TFG: variants seen among roughly 807,000 people sequenced by gnomAD.
TFG encodes protein TFG.
Under a neutral mutation model 51.4 loss-of-function variants are expected in TFG, and 22 were observed. That is an observed-to-expected ratio of 0.43 (90% confidence interval 0.31 to 0.61). The LOEUF (loss-of-function observed/expected upper bound fraction) is 0.61. Ranked by LOEUF, TFG falls within the 20% of genes least tolerant of loss-of-function variation. The pLI, the probability that TFG is intolerant of heterozygous loss-of-function variation, is 0.12. For missense variants in TFG, 419 were observed against 487.7 expected, an observed-to-expected ratio of 0.86 and a Z score of 1.33; for synonymous variants, 187 against 165.6, an observed-to-expected ratio of 1.13 and a Z score of -0.99.
In TFG at chr3:100,713,680, T is replaced by A. The variant is rs762164186; in HGVS notation, c.-6T>A. ...GTTGTATATATAGAACATCCTGGAG[T>A]CCACCATGAACGGACAGTTGGATCT... On this transcript the variant is annotated 5_prime_UTR_variant, in exon 2 of 8. Coordinates refer to ENST00000240851, the MANE Select transcript of TFG (RefSeq NM_006070.6). 12 of 1,582,976 alleles carry A rather than the reference T, an allele frequency of 7.6e-6. No individual in the cohort carries two copies. The South Asian group carries it at 1.4e-4, about 18-fold the overall frequency.
rs548772203 is a variant in TFG at position 100,748,481 on chromosome 3, C to T, written c.1153C>T (p.Arg385Cys). Residue 385 changes from arginine to cysteine, a missense_variant, in exon 8 of 8, where the codon CGT becomes TGT. Coordinates refer to ENST00000240851, the MANE Select transcript of TFG (RefSeq NM_006070.6). ...PSGPNPYARNRPPFGQGYTQP... is the reference protein window; with the variant it reads ...PSGPNPYARNCPPFGQGYTQP... ...TGGGCCTAATCCTTATGCGCGTAAC[C>T]GTCCTCCCTTTGGTCAGGGCTATAC... The T allele has an allele frequency of 2.4e-5, 39 of 1,614,034 alleles. No individual in the cohort carries two copies. Among genetic ancestry groups the T allele is most frequent in the Admixed American group, 2.0e-4 (12 of 59,992 alleles).
rs369409024 is a variant in TFG at position 100,728,761 on chromosome 3, T to C, written c.318T>C (p.Arg106=). Residue 106 remains arginine (R), a synonymous_variant, in exon 4 of 8, where the codon CGT becomes CGC. Transcript: ENST00000240851. ...PLESSQVKYL[R]RELIELRNKV... ...AATCAAGTCAGGTGAAATATCTCCG[T>C]CGAGAACTGATAGAACTTCGAAATA... 12 of 1,613,196 alleles carry C rather than the reference T, an allele frequency of 7.4e-6. No individual in the cohort carries two copies. The highest frequency in any genetic ancestry group is 1.0e-5 in the Non-Finnish European group (12 of 1,179,646).
chr3:100,716,276 A>C (rs556174854), intron 2 of TFG, among the ~76,000 whole-genome samples: 59 of 152,200 alleles, frequency 3.9e-4, no homozygotes, highest in African/African-American at 1.4e-3. Context: ...TATAAGATCA[A>C]CTTTTTTTAG....
chr3:100,723,612 C>G (rs1472523390), intron 3 of TFG, among the ~76,000 whole-genome samples: 1 of 152,112 alleles, frequency 6.6e-6, no homozygotes, highest in Non-Finnish European at 1.5e-5. Context: ...TATATAAAAA[C>G]TTGAGTAGTA....
chr3:100,724,223 AAAT>A (rs1216633168), intron 3 of TFG, among the ~76,000 whole-genome samples: 84 of 152,292 alleles, frequency 5.5e-4, no homozygotes, highest in African/African-American at 1.9e-3. Context: ...ACTTGGAAGG[AAAT>A]AATAAGAGCA....
intron 3 of TFG, among the ~76,000 whole-genome samples, chr3:100,720,651 G>A (rs1296690686): frequency 6.6e-6 from 1 of 152,198 alleles, no homozygotes; most frequent in African/African-American, 2.4e-5. Context: ...TGCCCAGCCC[G>A]GTTTGGTTCC....
At chr3:100,723,666 T>C (rs9853591) in intron 3 of TFG, among the ~76,000 whole-genome samples, 4,530 of 152,236 alleles carry the variant, frequency 0.03, 182 homozygotes, top group African/African-American at 0.092. Context: ...ACTAGGACTA[T>C]ATAGCAATCT....
intron 6 of TFG, among the ~76,000 whole-genome samples, chr3:100,739,807 C>T (rs9859204): frequency 0.019 from 2,928 of 152,018 alleles, 66 homozygotes; most frequent in African/African-American, 0.055. Flanking sequence ...TATATATGTC[C>T]AACTGATAAT....
At chr3:100,747,628 A>G (rs960879678) in intron 7 of TFG, among the ~76,000 whole-genome samples, 1 of 152,230 alleles carries the variant, frequency 6.6e-6, no homozygotes, top group African/African-American at 2.4e-5. Context: ...AAGGCAAAAA[A>G]CATCAGATAC....
At position 100,748,497 on chromosome 3, in the gene TFG, A is replaced by G. The variant is rs759196593; in HGVS notation, c.1169A>G (p.Gln390Arg). 3.1e-6 allele frequency: 5 copies of G among 1,613,962 alleles called. No individual in the cohort carries two copies. The highest frequency in any genetic ancestry group is 4.2e-6 in the Non-Finnish European group (5 of 1,179,906). Residue 390 changes from glutamine (Q) to arginine (R), a missense_variant, in exon 8 of 8, where the codon CAG (glutamine) becomes CGG (arginine). Physicochemically the swap from Gln to Arg is conservative, Grantham distance 43. This residue lies in a region of TFG where 391 missense variants were observed against 434.4 expected (regional missense o/e 0.90). Coordinates refer to ENST00000240851, the MANE Select transcript of TFG (RefSeq NM_006070.6). ...PYARNRPPFG[Q>R]GYTQPGPGYR ...GCGCGTAACCGTCCTCCCTTTGGTCAGGGCTATACCCAACCTGGACCTGGT... is the reference window on the plus strand; with the variant it reads ...GCGCGTAACCGTCCTCCCTTTGGTCGGGGCTATACCCAACCTGGACCTGGT...
In TFG at chr3:100,744,806, CTTGT is replaced by C; in HGVS notation, c.722-26_722-23del. 4 of 1,439,874 alleles carry C rather than the reference CTTGT, an allele frequency of 2.8e-6. No individual in the cohort carries two copies. In the East Asian group the frequency reaches 9.8e-5, roughly 35 times the overall value. 89.2% of individuals were successfully genotyped at this position (1,439,874 alleles called of 1,614,324 possible). On this transcript the variant is annotated intron_variant, in intron 6 of 7. Coordinates refer to ENST00000240851, the MANE Select transcript of TFG (RefSeq NM_006070.6). ...TGCCACATTAAACATGCCTTTTTTC[CTTGT>C]GTGTGTGTGTGTGTGTTTTCAGGTC...
chr3:100,738,474 G>A (rs2095112654), intron 6 of TFG, among the ~76,000 whole-genome samples: 1 of 152,262 alleles, frequency 6.6e-6, no homozygotes, highest in South Asian at 2.1e-4. Context: ...GAATTAAGGC[G>A]CTACTAGCAA....
At chr3:100,738,167 CAG>C (rs1165515675) in intron 6 of TFG, among the ~76,000 whole-genome samples, 1 of 152,090 alleles carries the variant, frequency 6.6e-6, no homozygotes, top group African/African-American at 2.4e-5. Flanking sequence ...GCTGATGAAT[CAG>C]TGGTTTGCGA....
intron 6 of TFG, among the ~76,000 whole-genome samples, chr3:100,738,529 A>T (rs1483742859): frequency 1.3e-5 from 2 of 152,246 alleles, no homozygotes; most frequent in Non-Finnish European, 2.9e-5. Flanking sequence ...TTTTCAAATA[A>T]GTAAAATTTT....
Position 100,744,851 on chromosome 3 carries a change from A to G in TFG, c.740A>G (p.Tyr247Cys), listed in dbSNP as rs1559723912. Residue 247 changes from tyrosine to cysteine, a missense_variant, in exon 7 of 8, where the codon TAC becomes TGC. Coordinates refer to ENST00000240851, the MANE Select transcript of TFG (RefSeq NM_006070.6). Reference sequence around the variant, plus strand: ...TTTTCAGGTCAGATGTACCAACAGTACCAGCAACAGGCCGGCTATGGTGCA... The same window carrying G: ...TTTTCAGGTCAGATGTACCAACAGTGCCAGCAACAGGCCGGCTATGGTGCA... ...GQIEGQMYQQ[Y>C]QQQAGYGAQQ... The G allele has an allele frequency of 6.2e-7, 1 of 1,613,422 alleles. No individual in the cohort carries two copies. The highest frequency in any genetic ancestry group is 8.5e-7 in the Non-Finnish European group (1 of 1,179,548).
chr3:100,712,709 A>G (rs946563972), intron 1 of TFG, among the ~76,000 whole-genome samples: 6 of 152,216 alleles, frequency 3.9e-5, no homozygotes, highest in Non-Finnish European at 8.8e-5. Context: ...AGTGGAAAAG[A>G]CAATAAAATG....
intron 5 of TFG, among the ~76,000 whole-genome samples, chr3:100,733,520 TA>T (rs1346237859): frequency 1.3e-5 from 2 of 152,228 alleles, no homozygotes; most frequent in African/African-American, 2.4e-5. Flanking sequence ...TTTGATTCTT[TA>T]AAAATATTTA....
chr3:100,726,066 A>G (rs1362477448), intron 3 of TFG, among the ~76,000 whole-genome samples: 1 of 152,142 alleles, frequency 6.6e-6, no homozygotes, highest in African/African-American at 2.4e-5. Flanking sequence ...ATAGTGGCTC[A>G]GTGGCTCAGT....
At chr3:100,735,520 A>G (rs1010148619) in intron 5 of TFG, among the ~76,000 whole-genome samples, 1 of 152,214 alleles carries the variant, frequency 6.6e-6, no homozygotes, top group Non-Finnish European at 1.5e-5. Flanking sequence ...AAACTGAGGC[A>G]CAGAAAGAGA....
Sources: gnomAD v4.1 joint callset for allele counts (sites outside exome capture counted in the v4.1 genomes callset) on GRCh38, gnomAD v4.1.1 for gene constraint, gnomAD v4.1.1 regional missense constraint, MANE v1.5 for transcripts, NCBI Gene and HGNC (gene_info 2026-07-23, HGNC 2026-07-21) for gene names.